QPCT: variants seen among roughly 807,000 people sequenced by gnomAD.
The protein encoded by QPCT is glutaminyl-peptide cyclotransferase, also known as EC.
In QPCT, 44 loss-of-function variants were observed where a neutral mutation model predicts 43.4. The observed-to-expected ratio is 1.01, with a 90% CI of 0.80 to 1.30. The LOEUF (loss-of-function observed/expected upper bound fraction) is 1.30, where lower values mean the gene tolerates loss of function less well. QPCT is among the 50% of genes most tolerant of loss of function. The pLI is 0.00. For synonymous variants in QPCT, 168 were observed against 168.4 expected (o/e 1.00, Z 0.02); for missense variants, 526 against 436.5 (o/e 1.21, Z -1.83).
chr2:37,365,288 C>A (rs746642522), intron 3 of QPCT, among the ~76,000 whole-genome samples: 1 of 152,172 alleles, frequency 6.6e-6, no homozygotes, highest in East Asian at 1.9e-4. Flanking sequence ...ATCTTAGGAA[C>A]CAAATGAAGC....
chr2:37,351,769 C>G (rs1226518071), intron 1 of QPCT, among the ~76,000 whole-genome samples: 2 of 152,282 alleles, frequency 1.3e-5, no homozygotes, highest in East Asian at 3.9e-4. Flanking sequence ...GTAATCCCAG[C>G]TACTCGGGAG....
chr2:37,369,409 G>A (rs1259945827), intron 4 of QPCT, among the ~76,000 whole-genome samples: 4 of 152,168 alleles, frequency 2.6e-5, no homozygotes, highest in African/African-American at 9.7e-5. Flanking sequence ...TCATCCAAAT[G>A]TCTTCTTCCT....
intron 3 of QPCT, among the ~76,000 whole-genome samples, chr2:37,363,072 A>G (rs1199214156): frequency 1.3e-5 from 2 of 152,224 alleles, no homozygotes; most frequent in Non-Finnish European, 2.9e-5. Flanking sequence ...AGTGAGATCT[A>G]TAGTTTCTCT....
intron 1 of QPCT, among the ~76,000 whole-genome samples, chr2:37,347,808 G>A (rs1184051364): frequency 2.0e-5 from 3 of 152,002 alleles, no homozygotes; most frequent in Non-Finnish European, 4.4e-5. Flanking sequence ...TCTTCCTTAG[G>A]TGCGAATGAC....
intron 4 of QPCT, chr2:37,368,133 T>C (rs1001173856): frequency 2.5e-5 from 4 of 159,972 alleles, no homozygotes; most frequent in Non-Finnish European, 5.5e-5. Flanking sequence ...CTTCAAAGTA[T>C]TACCGTGACT....
intron 4 of QPCT, chr2:37,368,455 C>T: frequency 2.7e-6 from 1 of 372,934 alleles, no homozygotes; most frequent in South Asian, 2.0e-5. Flanking sequence ...CTTCATCCCT[C>T]CCTGACGCTC....
intron 1 of QPCT, among the ~76,000 whole-genome samples, chr2:37,347,231 C>CATATATATAACATATATATAT (rs1553384286): frequency 3.6e-5 from 2 of 55,632 alleles, no homozygotes; most frequent in Non-Finnish European, 6.1e-5. Flanking sequence ...ATATATATAA[C>CATATATATAACATATATATAT]ATATATATAT....
intron 3 of QPCT, among the ~76,000 whole-genome samples, chr2:37,365,515 G>C (rs981354519): frequency 6.6e-6 from 1 of 152,216 alleles, no homozygotes; most frequent in Non-Finnish European, 1.5e-5. Flanking sequence ...AAGGGGTTTT[G>C]CTATAAATGG....
At position 37,359,997 on chromosome 2, in the gene QPCT, G is replaced by GT. The variant is rs139475266; in HGVS notation, c.546+140dup. On this transcript the variant is annotated intron_variant, in intron 3 of 6. Transcript: ENST00000338415. Reference sequence around the variant, plus strand: ...TACATTTTTATTATGAACATTAATTGTAAGATTGCATGATTGGGAATATCA... The same window carrying GT: ...TACATTTTTATTATGAACATTAATTGTTAAGATTGCATGATTGGGAATATCA... 7.0e-3 allele frequency: 6,540 copies of GT among 929,900 alleles called. 291 individuals carry two copies. In the African/African-American group the frequency reaches 0.097, roughly 14 times the overall value. The allele number at this position is 929,900 out of a possible 1,614,324, so 57.6% of individuals were successfully genotyped here.
intron 5 of QPCT, among the ~76,000 whole-genome samples, chr2:37,372,136 G>A (rs1043401544): frequency 6.6e-6 from 1 of 151,990 alleles, no homozygotes; most frequent in African/African-American, 2.4e-5. Flanking sequence ...TGTAAGTTTA[G>A]AGCCACATTT....
At chr2:37,356,530 A>C (rs1242794951) in intron 2 of QPCT, among the ~76,000 whole-genome samples, 1 of 152,142 alleles carries the variant, frequency 6.6e-6, no homozygotes, top group East Asian at 1.9e-4. Context: ...TATTTGAATG[A>C]TAGTAGTGGT....
chr2:37,365,220 T>C (rs1354796852), intron 3 of QPCT, among the ~76,000 whole-genome samples: 1 of 151,686 alleles, frequency 6.6e-6, no homozygotes, highest in African/African-American at 2.4e-5. Flanking sequence ...GGCTCTCTAG[T>C]GTGAAGAGGG....
intron 2 of QPCT, among the ~76,000 whole-genome samples, chr2:37,357,918 G>A (rs574860956): frequency 1.3e-5 from 2 of 152,110 alleles, no homozygotes; most frequent in East Asian, 3.9e-4. Flanking sequence ...TTCATTTCCA[G>A]TTATTCATTT....
intron 1 of QPCT, among the ~76,000 whole-genome samples, chr2:37,350,710 T>C (rs1263405537): frequency 6.6e-6 from 1 of 152,238 alleles, no homozygotes; most frequent in East Asian, 1.9e-4. Context: ...TTTCCACTAA[T>C]ATAAATGAAG....
At chr2:37,354,063 C>T (rs900137412) in intron 2 of QPCT, among the ~76,000 whole-genome samples, 3 of 152,234 alleles carry the variant, frequency 2.0e-5, no homozygotes. Flanking sequence ...CAGGGTTTCA[C>T]CACGTTGGCC....
chr2:37,353,673 G>A (rs961643640), intron 2 of QPCT, among the ~76,000 whole-genome samples: 2 of 152,268 alleles, frequency 1.3e-5, no homozygotes, highest in Non-Finnish European at 1.5e-5. Flanking sequence ...CCTCCCTGAT[G>A]TCAGTCTTCC....
At position 37,359,708 on chromosome 2, in the gene QPCT, A is replaced by G; in HGVS notation, c.396A>G (p.Lys132=). 6.2e-7 allele frequency: 1 copy of G among 1,614,146 alleles called. No homozygotes were observed. Among genetic ancestry groups the G allele is most frequent in the Non-Finnish European group, 8.5e-7 (1 of 1,180,008 alleles). The part of the protein sequence containing the change: ...NIISTLNPTA[K]RHLVLACHYD... ...TCAGCACCCTCAATCCCACTGCTAA[A>G]CGACATTTGGTCCTCGCCTGCCACT... Residue 132 remains lysine (K), a synonymous_variant, in exon 3 of 7, where the codon AAA becomes AAG. Transcript: ENST00000338415.
chr2:37,352,970 G>C, intron 2 of QPCT, 35 bp downstream of exon 2: 2 of 1,593,628 alleles, frequency 1.3e-6, no homozygotes, highest in Admixed American at 3.4e-5. Context: ...AAGCTTGTGT[G>C]AATACTGTGC....
rs1558599266 is a variant in QPCT, at chr2:37,347,160, AT to A, written c.120+2310del. Among the ~76,000 whole-genome samples the A allele has an allele frequency of 1.1e-4, 8 of 69,800 alleles. 1 individual carries two copies. Among genetic ancestry groups the A allele is most frequent in the Non-Finnish European group, 2.0e-4 (8 of 40,568 alleles). 45.8% of individuals were successfully genotyped at this position (69,800 alleles called of 152,430 possible). A position where few individuals can be genotyped will look rare whatever the true frequency, so the allele number is the denominator to read the frequency against. Reference sequence around the variant, plus strand: ...TGGGGTGTTTTATATATATATATATATATAACATATATATATATAACATATA... The same window carrying A: ...TGGGGTGTTTTATATATATATATATAATAACATATATATATATAACATATA... On this transcript the variant is annotated intron_variant, in intron 1 of 6. Coordinates refer to ENST00000338415, the MANE Select transcript of QPCT (RefSeq NM_012413.4).
Sources: gnomAD v4.1 joint callset for allele counts (sites outside exome capture counted in the v4.1 genomes callset) on GRCh38, gnomAD v4.1.1 for gene constraint, MANE v1.5 for transcripts, NCBI Gene and HGNC (gene_info 2026-07-23, HGNC 2026-07-21) for gene names.